The following PLXNA4 variants were observed in gnomAD, a reference collection of about 807,000 sequenced individuals.
PLXNA4 encodes the protein plexin-A4.
PLXNA4 carries 44 observed loss-of-function variants against 191.8 expected under a neutral mutation model. The ratio of observed to expected loss-of-function variants is 0.23; its 90% CI spans 0.18 to 0.29. The LOEUF is 0.29. PLXNA4 is among the 10% of genes least tolerant of loss of function. PLXNA4 has a pLI of 1.00. For synonymous variants in PLXNA4, 1,082 were observed against 1,009.5 expected (o/e 1.07, Z -1.36); for missense variants, 1,800 against 2,488.8 (o/e 0.72, Z 5.89).
At chr7:132,226,533 T>G (rs1304122574) in intron 7 of PLXNA4, among the ~76,000 whole-genome samples, 1 of 152,254 alleles carries the variant, frequency 6.6e-6, no homozygotes, top group Non-Finnish European at 1.5e-5. Context: ...TGCATTTGCA[T>G]GCATGATGTC....
intron 4 of PLXNA4, among the ~76,000 whole-genome samples, chr7:132,251,731 C>T (rs2117082688): frequency 6.6e-6 from 1 of 152,330 alleles, no homozygotes; most frequent in Non-Finnish European, 1.5e-5. Flanking sequence ...ATGTGCATGT[C>T]TCAGCACAGG....
chr7:132,598,950 T>G (rs1802766825), intron 2 of PLXNA4, among the ~76,000 whole-genome samples: 1 of 152,222 alleles, frequency 6.6e-6, no homozygotes, highest in Non-Finnish European at 1.5e-5. Flanking sequence ...CCTTTATATG[T>G]GGCATTAGGT....
intron 2 of PLXNA4, among the ~76,000 whole-genome samples, chr7:132,607,906 C>A (rs1448869675): frequency 1.3e-4 from 3 of 23,752 alleles, no homozygotes; most frequent in African/African-American, 2.9e-4. Context: ...CACCATCATC[C>A]TTATCACTAT....
At chr7:132,331,563 A>G (rs62466377) in intron 3 of PLXNA4, among the ~76,000 whole-genome samples, 14,360 of 152,318 alleles carry the variant, frequency 0.094, 871 homozygotes, top group Admixed American at 0.2. Flanking sequence ...CTGTGGTTAT[A>G]GGGAGTGGTC....
At position 132,432,433 on chromosome 7, in the gene PLXNA4, A is replaced by G. The variant is rs150237401; in HGVS notation, c.1371+56859T>C. ...ACTCCTGCATTGCCATCTGGTTGCTACTGGCAACCAGGCAATCATATTTTT... is the reference window on the plus strand; with the variant it reads ...ACTCCTGCATTGCCATCTGGTTGCTGCTGGCAACCAGGCAATCATATTTTT... On this transcript the variant is annotated intron_variant, in intron 3 of 31. Coordinates refer to ENST00000321063, the MANE Select transcript of PLXNA4 (RefSeq NM_020911.2). 9.8e-5 allele frequency among the ~76,000 whole-genome samples: 15 copies of G among 152,340 alleles called. No individual in the cohort carries two copies. In the East Asian group the frequency reaches 2.5e-3, roughly 25 times the overall value.
chr7:132,201,395 T>C (rs1320247860), intron 12 of PLXNA4, among the ~76,000 whole-genome samples: 3 of 152,180 alleles, frequency 2.0e-5, no homozygotes, highest in Non-Finnish European at 4.4e-5. Context: ...GTGGTGCAAC[T>C]ATTAGGCATC....
chr7:132,207,316 G>A (rs1311571607), intron 10 of PLXNA4, among the ~76,000 whole-genome samples: 1 of 152,246 alleles, frequency 6.6e-6, no homozygotes, highest in African/African-American at 2.4e-5. Context: ...AGGCCAGCAT[G>A]AGTCCGCGGA....
chr7:132,535,744 G>T (rs1799805094), intron 1 of PLXNA4, among the ~76,000 whole-genome samples: 1 of 150,698 alleles, frequency 6.6e-6, no homozygotes, highest in Non-Finnish European at 1.5e-5. Context: ...GGCCACACAG[G>T]CAGGATCTTT....
chr7:132,153,511 T>C (rs1795704745), intron 25 of PLXNA4, among the ~76,000 whole-genome samples: 1 of 152,038 alleles, frequency 6.6e-6, no homozygotes, highest in Non-Finnish European at 1.5e-5. Flanking sequence ...GTTTCAGGGA[T>C]GCTCAGAAGA....
chr7:132,603,037 C>A (rs573132687), intron 2 of PLXNA4, among the ~76,000 whole-genome samples: 2 of 152,224 alleles, frequency 1.3e-5, no homozygotes, highest in East Asian at 3.9e-4. Flanking sequence ...GAAAGAAATA[C>A]CAAAAGTACC....
chr7:132,599,144 G>A (rs779485320), intron 2 of PLXNA4, among the ~76,000 whole-genome samples: 1 of 151,952 alleles, frequency 6.6e-6, no homozygotes, highest in Non-Finnish European at 1.5e-5. Flanking sequence ...TTGCTACCAC[G>A]TGTTTCTAAT....
At chr7:132,606,942 T>C (rs1802936881) in intron 2 of PLXNA4, among the ~76,000 whole-genome samples, 1 of 152,298 alleles carries the variant, frequency 6.6e-6, no homozygotes, top group East Asian at 1.9e-4. Context: ...CAAAGTGAGA[T>C]TCACACAGTC....
chr7:132,512,976 G>C (rs17823517), intron 1 of PLXNA4, among the ~76,000 whole-genome samples: 16,696 of 152,244 alleles, frequency 0.11, 1,156 homozygotes, highest in Non-Finnish European at 0.14. Context: ...TGCCCCAAAG[G>C]ATTCATCGAA....
At chr7:132,405,239 G>A (rs1337834961) in intron 3 of PLXNA4, among the ~76,000 whole-genome samples, 2 of 152,098 alleles carry the variant, frequency 1.3e-5, no homozygotes, top group Non-Finnish European at 2.9e-5. Flanking sequence ...CCTGGGCCTT[G>A]GTGATTAAAA....
chr7:132,527,123 T>C (rs1243642870), intron 1 of PLXNA4, among the ~76,000 whole-genome samples: 4 of 152,164 alleles, frequency 2.6e-5, no homozygotes, highest in Non-Finnish European at 5.9e-5. Flanking sequence ...ACTTAGGATG[T>C]AGATTATTGG....
At chr7:132,324,935 C>T (rs1299616635) in intron 3 of PLXNA4, among the ~76,000 whole-genome samples, 1 of 152,128 alleles carries the variant, frequency 6.6e-6, no homozygotes, top group Admixed American at 6.6e-5. Context: ...AGATTAAAAT[C>T]AAGAACACAA....
At chr7:132,507,030 C>T (rs566693182) in intron 2 of PLXNA4, among the ~76,000 whole-genome samples, 14 of 152,328 alleles carry the variant, frequency 9.2e-5, no homozygotes, top group African/African-American at 3.4e-4. Context: ...CCATATCTAT[C>T]CCAAATGTAG....
In PLXNA4 at chr7:132,241,173, C is replaced by G. The variant is rs777772585; in HGVS notation, c.1504-7G>C. 3.1e-6 allele frequency: 5 copies of G among 1,607,184 alleles called. No homozygotes were observed. The highest frequency in any genetic ancestry group is 1.7e-5 in the Admixed American group (1 of 59,798). On this transcript the variant is annotated splice_polypyrimidine_tract_variant and splice_region_variant and intron_variant, in intron 4 of 31. Transcript: ENST00000321063. ...CCACAGGGACTCTGGTGAGCTAGGACAGCAGGATAGGGAGAAGGTGGTCAA... is the reference window on the plus strand; with the variant it reads ...CCACAGGGACTCTGGTGAGCTAGGAGAGCAGGATAGGGAGAAGGTGGTCAA...
intron 3 of PLXNA4, among the ~76,000 whole-genome samples, chr7:132,482,653 C>T (rs1472241374): frequency 6.6e-6 from 1 of 151,690 alleles, no homozygotes; most frequent in African/African-American, 2.4e-5. Flanking sequence ...GTCTCCTGGG[C>T]CAGGAGAGAA....
Sources: allele counts gnomAD v4.1 joint callset (sites outside exome capture counted in the v4.1 genomes callset), GRCh38; gene constraint gnomAD v4.1.1; transcripts MANE v1.5; gene names NCBI Gene and HGNC (gene_info 2026-07-23, HGNC 2026-07-21).